The following CSMD1 variants were observed in gnomAD, a reference collection of about 807,000 sequenced individuals.
The protein encoded by CSMD1 is CUB and sushi domain-containing protein 1.
A neutral mutation model predicts 417.5 loss-of-function variants in CSMD1; 213 were observed. The ratio of observed to expected loss-of-function variants is 0.51; its 90% CI spans 0.46 to 0.57. CSMD1 has a LOEUF of 0.57. Among genes scored for constraint, CSMD1 ranks in the 20% least tolerant of loss-of-function variants. CSMD1 has a pLI of 0.00. For synonymous variants in CSMD1, 2,862 were observed against 1,736.8 expected (o/e 1.65, Z -16.11); for missense variants, 6,923 against 4,529.7 (o/e 1.53, Z -15.17).
intron 7 of CSMD1, among the ~76,000 whole-genome samples, chr8:3,633,624 A>G (rs1176815519): frequency 6.6e-6 from 1 of 152,206 alleles, no homozygotes; most frequent in Non-Finnish European, 1.5e-5. Context: ...AATATTTCCT[A>G]ATTTAAAAAA....
intron 3 of CSMD1, among the ~76,000 whole-genome samples, chr8:4,161,367 C>T (rs1010987602): frequency 6.6e-6 from 1 of 152,186 alleles, no homozygotes; most frequent in Admixed American, 6.5e-5. Context: ...AAAATGCAGG[C>T]TTTCAGCCAC....
intron 3 of CSMD1, among the ~76,000 whole-genome samples, chr8:4,373,354 G>C (rs529028143): frequency 4.6e-5 from 7 of 152,296 alleles, no homozygotes; most frequent in East Asian, 1.9e-4. Context: ...TTAATAACGT[G>C]TCACTGTTGG....
chr8:3,798,736 G>T (rs1008128774), intron 5 of CSMD1, among the ~76,000 whole-genome samples: 1 of 152,026 alleles, frequency 6.6e-6, no homozygotes, highest in Non-Finnish European at 1.5e-5. Flanking sequence ...ATACAAAAAT[G>T]TCACTATAGA....
intron 1 of CSMD1, among the ~76,000 whole-genome samples, chr8:4,962,431 G>C (rs1027446134): frequency 1.3e-5 from 2 of 152,004 alleles, no homozygotes; most frequent in Admixed American, 6.6e-5. Flanking sequence ...AGCTGGCCTT[G>C]AACTACTGCC....
intron 10 of CSMD1, among the ~76,000 whole-genome samples, chr8:3,538,616 A>C (rs544080876): frequency 6.6e-6 from 1 of 152,196 alleles, no homozygotes; most frequent in Non-Finnish European, 1.5e-5. Flanking sequence ...CCCATTCCCC[A>C]CCACTCAACA....
In CSMD1 at chr8:3,430,436, T is replaced by C. The variant is rs145541300; in HGVS notation, c.1562-20831A>G. ...AATGCTGAACAAATTGTCTGACATA[T>C]GTAGTAGGTATTTAATTAATGTTTA... On this transcript the variant is annotated intron_variant, in intron 12 of 69. Transcript: ENST00000635120. Among the ~76,000 whole-genome samples the C allele has an allele frequency of 1.3e-3, 204 of 152,286 alleles. 3 individuals are homozygous for C. The highest frequency in any genetic ancestry group is 4.7e-3 in the African/African-American group (194 of 41,552).
At chr8:4,734,318 G>A (rs1448700008) in intron 1 of CSMD1, among the ~76,000 whole-genome samples, 2 of 151,996 alleles carry the variant, frequency 1.3e-5, no homozygotes, top group Non-Finnish European at 2.9e-5. Context: ...ATTGTTTATG[G>A]ATGTGAATTT....
chr8:3,641,479 A>T (rs966475350), intron 7 of CSMD1, among the ~76,000 whole-genome samples: 8 of 152,246 alleles, frequency 5.3e-5, no homozygotes, highest in African/African-American at 1.9e-4. Flanking sequence ...CTGAAAGAAC[A>T]GGTAAACACT....
intron 8 of CSMD1, among the ~76,000 whole-genome samples, chr8:3,599,290 T>A (rs1801246423): frequency 6.6e-6 from 1 of 151,886 alleles, no homozygotes; most frequent in African/African-American, 2.4e-5. Flanking sequence ...GCTACGTGTG[T>A]ATGTGTGGGT....
Position 3,761,500 on chromosome 8 carries a change from A to ATTT in CSMD1, c.819-7461_819-7459dup, listed in dbSNP as rs57655479. 6.7e-3 allele frequency among the ~76,000 whole-genome samples: 628 copies of ATTT among 93,348 alleles called. 3 individuals are homozygous for ATTT. The highest frequency in any genetic ancestry group is 9.5e-3 in the Non-Finnish European group (466 of 48,938). 61.2% of individuals were successfully genotyped at this position (93,348 alleles called of 152,430 possible). A position where few individuals can be genotyped will look rare whatever the true frequency, so the allele number is the denominator to read the frequency against. ...CAACAGTTCTTTAATCAAAACGACCATTTTTTTTTTTTTTTTTTTTTTTGA... is the reference window on the plus strand; with the variant it reads ...CAACAGTTCTTTAATCAAAACGACCATTTTTTTTTTTTTTTTTTTTTTTTTTGA... On this transcript the variant is annotated intron_variant, in intron 5 of 69. Transcript: ENST00000635120.
chr8:3,439,154 C>CAAAAAAAAAAAAAAAAAAAAGAAAAAAAA (rs1563390150), intron 12 of CSMD1, among the ~76,000 whole-genome samples: 1 of 26,620 alleles, frequency 3.8e-5, no homozygotes, highest in Non-Finnish European at 6.3e-5. Context: ...AAAAAAAAAC[C>CAAAAAAAAAAAAAAAAAAAAGAAAAAAAA]AAGAAAAAAA....
chr8:4,058,940 G>A (rs1188478065), intron 3 of CSMD1, among the ~76,000 whole-genome samples: 5 of 151,892 alleles, frequency 3.3e-5, no homozygotes, highest in East Asian at 1.9e-4. Context: ...CACCAAGCGG[G>A]CCTAACAGAC....
chr8:3,632,907 G>A (rs190264918), intron 7 of CSMD1, among the ~76,000 whole-genome samples: 387 of 152,300 alleles, frequency 2.5e-3, no homozygotes, highest in Middle Eastern at 0.024. Flanking sequence ...ACAACAAAAT[G>A]AAGCAAGGGG....
chr8:4,362,972 C>G (rs11787405), intron 3 of CSMD1, among the ~76,000 whole-genome samples: 4 of 152,002 alleles, frequency 2.6e-5, no homozygotes, highest in South Asian at 2.1e-4. Flanking sequence ...CTAAAAACTG[C>G]TATCAACAAA....
intron 5 of CSMD1, among the ~76,000 whole-genome samples, chr8:3,769,776 G>C (rs1451921753): frequency 6.6e-6 from 1 of 152,116 alleles, no homozygotes. Flanking sequence ...ATTTCTCACA[G>C]TCTCATAAGT....
rs545965506 is a variant in CSMD1 at position 3,397,707 on chromosome 8, T to A, written c.2406-1326A>T. On this transcript the variant is annotated intron_variant, in intron 16 of 69. Coordinates refer to ENST00000635120, the MANE Select transcript of CSMD1 (RefSeq NM_033225.6). ...CTTTGACATAGTCATGCTGAAGTTG[T>A]CCTATCCTGTTTCTTTAGTAACAGT... is the stretch of plus-strand genomic sequence containing the variant. Among the ~76,000 whole-genome samples, 5 of 152,330 alleles carry A rather than the reference T, an allele frequency of 3.3e-5. No individual in the cohort carries two copies. The East Asian group carries it at 9.6e-4, about 29-fold the overall frequency.
At chr8:4,782,753 T>C (rs17347703) in intron 1 of CSMD1, among the ~76,000 whole-genome samples, 14,182 of 152,242 alleles carry the variant, frequency 0.093, 861 homozygotes, top group Middle Eastern at 0.13. Context: ...ATTTTGGCTA[T>C]ATTATTTTCT....
At chr8:3,129,897 C>T (rs999380598) in intron 41 of CSMD1, among the ~76,000 whole-genome samples, 6 of 152,032 alleles carry the variant, frequency 3.9e-5, no homozygotes, top group Non-Finnish European at 7.4e-5. Flanking sequence ...GGGAGAATCA[C>T]CTGAGCCCGG....
intron 1 of CSMD1, among the ~76,000 whole-genome samples, chr8:4,709,841 A>G (rs1349250303): frequency 2.0e-5 from 3 of 152,206 alleles, no homozygotes; most frequent in Non-Finnish European, 2.9e-5. Flanking sequence ...CCGCAGAGTA[A>G]AATACACATG....
Sources: gnomAD v4.1 joint callset for allele counts (sites outside exome capture counted in the v4.1 genomes callset) on GRCh38, gnomAD v4.1.1 for gene constraint, MANE v1.5 for transcripts, NCBI Gene and HGNC (gene_info 2026-07-23, HGNC 2026-07-21) for gene names.